The following POLR3B variants were observed in gnomAD, a reference collection of about 807,000 sequenced individuals.
POLR3B encodes the protein DNA-directed RNA polymerase III subunit RPC2.
In POLR3B, 96 loss-of-function variants were observed where a neutral mutation model predicts 147.4. The observed-to-expected ratio is 0.65, with a 90% CI of 0.55 to 0.77. The LOEUF (loss-of-function observed/expected upper bound fraction) is 0.77, where lower values mean the gene tolerates loss of function less well. Among genes scored for constraint, POLR3B ranks in the 30% least tolerant of loss-of-function variants. The pLI is 0.00. For synonymous variants in POLR3B, 461 were observed against 485.9 expected (o/e 0.95, Z 0.67); for missense variants, 1,036 against 1,413.5 (o/e 0.73, Z 4.28).
At chr12:106,463,689 A>C (rs951845167) in intron 23 of POLR3B, 69 bp downstream of exon 23, 7 of 1,307,938 alleles carry the variant, frequency 5.4e-6, no homozygotes, top group Non-Finnish European at 7.7e-6. Flanking sequence ...CACTTAAATA[A>C]AATTCCCCCA....
intron 6 of POLR3B, among the ~76,000 whole-genome samples, chr12:106,374,777 T>G (rs906763566): frequency 6.6e-6 from 1 of 152,112 alleles, no homozygotes; most frequent in African/African-American, 2.4e-5. Context: ...TGGCCTCCTA[T>G]AGTGCTGGGA....
rs770310005 is a variant in POLR3B at position 106,369,616 on chromosome 12, A to G, written c.337A>G (p.Ile113Val). The G allele has an allele frequency of 1.2e-5, 19 of 1,612,674 alleles. No individual in the cohort carries two copies. The African/African-American group carries it at 1.5e-4, about 12-fold the overall frequency. The change falls in exon 6 of 28, where the codon ATT (isoleucine) becomes GTT (valine). Residue 113 changes from isoleucine (I) to valine (V), a missense_variant. By Grantham distance (29) the Ile-to-Val change is conservative. Transcript: ENST00000228347. ...GAGAGACATGACATACTCTGCCCCT[A>G]TTACAGTGGATATTGAATATACCCG... ...RLRDMTYSAP[I>V]TVDIEYTRGS...
rs1217000297 is a variant in POLR3B, at chr12:106,378,648, AT to A, written c.614+267del. ...GTTAGCTTATAGAGCATGAAAGGAG[AT>A]TTAAAAAAAAAAAAATAAAACCACT... is the stretch of plus-strand genomic sequence containing the variant. On this transcript the variant is annotated intron_variant, in intron 8 of 27. Coordinates refer to ENST00000228347, the MANE Select transcript of POLR3B (RefSeq NM_018082.6). Among the ~76,000 whole-genome samples the A allele has an allele frequency of 4.7e-5, 7 of 148,964 alleles. No individual in the cohort carries two copies. In the East Asian group the frequency reaches 5.8e-4, roughly 12 times the overall value.
At chr12:106,399,508 T>C (rs2037031080) in intron 10 of POLR3B, among the ~76,000 whole-genome samples, 1 of 151,954 alleles carries the variant, frequency 6.6e-6, no homozygotes, top group South Asian at 2.1e-4. Context: ...GAAGAGCAAC[T>C]CCAAGACGCA....
intron 1 of POLR3B, among the ~76,000 whole-genome samples, chr12:106,359,331 ATT>A (rs35229993): frequency 1.2e-3 from 160 of 134,858 alleles, no homozygotes; most frequent in Middle Eastern, 3.9e-3. Context: ...AGGCAAAACT[ATT>A]TTTTTTTTTT....
rs367590494 is a variant in POLR3B at position 106,471,053 on chromosome 12, A to G, written c.2713+7433A>G. Among the ~76,000 whole-genome samples the G allele has an allele frequency of 6.6e-5, 10 of 152,184 alleles. No homozygotes were observed. The East Asian group carries it at 1.5e-3, about 23-fold the overall frequency. On this transcript the variant is annotated intron_variant, in intron 23 of 27. Transcript: ENST00000228347. ...TCTCTGCTGCCTTGCCCCCAGAGGT[A>G]GAATCTAGAAAGGCAGTAAGCTTTG...
intron 13 of POLR3B, among the ~76,000 whole-genome samples, chr12:106,428,823 C>T (rs1185888483): frequency 2.0e-5 from 3 of 152,202 alleles, no homozygotes; most frequent in East Asian, 1.9e-4. Context: ...CTCTTTCCCA[C>T]GTTTCAGAAA....
At chr12:106,400,404 T>A (rs1238420726) in intron 10 of POLR3B, among the ~76,000 whole-genome samples, 1 of 152,180 alleles carries the variant, frequency 6.6e-6, no homozygotes. Flanking sequence ...AACACCCCAC[T>A]GTCAACATTA....
chr12:106,435,971 G>T (rs1316557483), intron 16 of POLR3B, among the ~76,000 whole-genome samples: 1 of 152,078 alleles, frequency 6.6e-6, no homozygotes. Context: ...CTCCTCCGCC[G>T]GTTTCTGTCT....
rs375593721 is a variant in POLR3B, at chr12:106,423,394, T to G, written c.1102-3803T>G. 1.2e-4 allele frequency among the ~76,000 whole-genome samples: 19 copies of G among 152,160 alleles called. No homozygotes were observed. The East Asian group carries it at 3.5e-3, about 28-fold the overall frequency. Reference sequence around the variant, plus strand: ...ATAGATAAGATAGGAAGGAATTTATTATGGGAATAGGCACATGTGATTATG... The same window carrying G: ...ATAGATAAGATAGGAAGGAATTTATGATGGGAATAGGCACATGTGATTATG... On this transcript the variant is annotated intron_variant, in intron 12 of 27. Coordinates refer to ENST00000228347, the MANE Select transcript of POLR3B (RefSeq NM_018082.6).
At chr12:106,374,721 T>C (rs1396901116) in intron 6 of POLR3B, among the ~76,000 whole-genome samples, 2 of 152,126 alleles carry the variant, frequency 1.3e-5, no homozygotes, top group South Asian at 2.1e-4. Context: ...TTTCACCACG[T>C]TGACCAGGAT....
chr12:106,488,655 G>C (rs994412212), intron 23 of POLR3B, among the ~76,000 whole-genome samples: 13 of 152,120 alleles, frequency 8.5e-5, no homozygotes, highest in African/African-American at 3.1e-4. Flanking sequence ...ATAAAGATAG[G>C]AAGAGACATT....
chr12:106,490,484 T>C (rs139386035), intron 23 of POLR3B, among the ~76,000 whole-genome samples: 2,405 of 152,340 alleles, frequency 0.016, 37 homozygotes, highest in South Asian at 0.046. Context: ...AATCAAGTTT[T>C]CTTATGCATT....
chr12:106,459,183 C>A, intron 21 of POLR3B, 68 bp from the exon 22 acceptor site: 1 of 912,852 alleles, frequency 1.1e-6, no homozygotes, highest in Non-Finnish European at 1.8e-6. Context: ...GCATCTTTGC[C>A]TAGTTCGTAA....
intron 25 of POLR3B, chr12:106,500,239 C>T: frequency 4.5e-6 from 2 of 449,416 alleles, no homozygotes; most frequent in South Asian, 1.6e-5. Flanking sequence ...CATCAGTTCT[C>T]TGGTTGTTCT....
At chr12:106,416,377 T>G (rs979984178) in intron 12 of POLR3B, among the ~76,000 whole-genome samples, 3 of 152,222 alleles carry the variant, frequency 2.0e-5, no homozygotes, top group Non-Finnish European at 4.4e-5. Context: ...AGTTTAAGAA[T>G]GAACACAGCG....
intron 13 of POLR3B, 53 bp from the exon 14 acceptor site, chr12:106,430,220 A>G: frequency 7.1e-7 from 1 of 1,402,768 alleles, no homozygotes; most frequent in Non-Finnish European, 1.0e-6. Context: ...GCACGGTATC[A>G]GACAACATAG....
intron 23 of POLR3B, among the ~76,000 whole-genome samples, chr12:106,494,363 G>C (rs1253316747): frequency 1.3e-5 from 2 of 152,118 alleles, no homozygotes; most frequent in Non-Finnish European, 2.9e-5. Context: ...GCAGACGCCA[G>C]CCTCCTCCTG....
At chr12:106,371,353 A>C (rs903245154) in intron 6 of POLR3B, among the ~76,000 whole-genome samples, 2 of 152,184 alleles carry the variant, frequency 1.3e-5, no homozygotes, top group African/African-American at 4.8e-5. Flanking sequence ...ACTGTAAACT[A>C]GTTCAATCAT....
Sources: gnomAD v4.1 joint callset for allele counts (sites outside exome capture counted in the v4.1 genomes callset) on GRCh38, gnomAD v4.1.1 for gene constraint, MANE v1.5 for transcripts, NCBI Gene and HGNC (gene_info 2026-07-23, HGNC 2026-07-21) for gene names.